The following USP6NL variants were observed in gnomAD, a reference collection of about 807,000 sequenced individuals.
USP6NL encodes the protein USP6 N-terminal-like protein.
USP6NL carries 26 observed loss-of-function variants against 61.9 expected under a neutral mutation model. That is an observed-to-expected ratio of 0.42 (90% CI 0.31 to 0.58). The LOEUF (loss-of-function observed/expected upper bound fraction) is 0.58, where lower values mean the gene tolerates loss of function less well. Among genes scored for constraint, USP6NL ranks in the 20% least tolerant of loss-of-function variants. The pLI is 0.16. For missense variants in USP6NL, 1,114 were observed against 1,034.3 expected, an observed-to-expected ratio of 1.08 and a Z score of -1.06; for synonymous variants, 432 against 390.1, an observed-to-expected ratio of 1.11 and a Z score of -1.27.
At chr10:11,581,844 C>T in intron 2 of USP6NL, among the ~76,000 whole-genome samples, 1 of 152,204 alleles carries the variant, frequency 6.6e-6, no homozygotes, top group Non-Finnish European at 1.5e-5. Flanking sequence ...TCGATCTCAG[C>T]TCATGCAACC....
Position 11,600,444 on chromosome 10 carries a change from A to C in USP6NL, c.-83-2727T>G, listed in dbSNP as rs1376266643. On this transcript the variant is annotated intron_variant, in intron 1 of 14. Transcript: ENST00000609104. This position sits in a 1 kb window ranked among gnomAD's most constrained non-coding sequence, Gnocchi z 4.1. ...CCAAACCCAGCCAAACTCAACAGAG[A>C]GCGCAGACCAGTGAGCTAGAAAGAA... 2.0e-5 allele frequency among the ~76,000 whole-genome samples: 3 copies of C among 152,200 alleles called. 1 individual carries two copies. Among genetic ancestry groups the C allele is most frequent in the East Asian group, 3.8e-4 (2 of 5,202 alleles).
intron 2 of USP6NL, among the ~76,000 whole-genome samples, chr10:11,566,983 G>A (rs533543416): frequency 2.0e-5 from 3 of 152,166 alleles, no homozygotes; most frequent in Admixed American, 6.5e-5. Flanking sequence ...GCACGGTGGC[G>A]CATGCCTGTA....
In USP6NL at chr10:11,470,194, C is replaced by G. The variant is rs1404834585; in HGVS notation, c.1079-6345G>C. Among the ~76,000 whole-genome samples the G allele has an allele frequency of 2.6e-5, 4 of 152,070 alleles. No individual in the cohort carries two copies. Among genetic ancestry groups the G allele is most frequent in the Admixed American group, 2.6e-4 (4 of 15,276 alleles). On this transcript the variant is annotated intron_variant, in intron 14 of 14. Transcript: ENST00000609104. This position sits in a 1 kb window ranked among gnomAD's most constrained non-coding sequence, Gnocchi z 5.4. ...ACGGAAGGCAAGTAATGGAGAGGAC[C>G]AGAGAAGCAGCCAGCAGCGCAGAGG...
intron 5 of USP6NL, among the ~76,000 whole-genome samples, chr10:11,516,743 G>A (rs965289820): frequency 2.6e-5 from 4 of 152,106 alleles, no homozygotes; most frequent in Admixed American, 1.3e-4. Context: ...ACTAAGGTAC[G>A]CATAGATCAT....
At position 11,553,746 on chromosome 10, in the gene USP6NL, A is replaced by G. The variant is rs746201674; in HGVS notation, c.5-26179T>C. On this transcript the variant is annotated intron_variant, in intron 2 of 14. Coordinates refer to ENST00000609104, the MANE Select transcript of USP6NL (RefSeq NM_014688.5). The surrounding 1 kb of genome is among the most constrained non-coding windows in gnomAD (Gnocchi z 4.8). Reference sequence around the variant, plus strand: ...CCCCGTCTCTACTAAAAATACAAAAATTAGCAAGGCATGGTGGTGGGCGCC... The same window carrying G: ...CCCCGTCTCTACTAAAAATACAAAAGTTAGCAAGGCATGGTGGTGGGCGCC... Among the ~76,000 whole-genome samples the G allele has an allele frequency of 1.3e-5, 2 of 152,072 alleles. No homozygotes were observed. The highest frequency in any genetic ancestry group is 2.9e-5 in the Non-Finnish European group (2 of 68,012).
intron 2 of USP6NL, among the ~76,000 whole-genome samples, chr10:11,576,240 A>C (rs1193513702): frequency 6.6e-6 from 1 of 152,228 alleles, no homozygotes; most frequent in African/African-American, 2.4e-5. Flanking sequence ...CAAAATAAAA[A>C]ATTAGATCCT....
In USP6NL at chr10:11,501,198, C is replaced by T; in HGVS notation, c.287G>A (p.Arg96Gln). ...KYKNTEKFHRRIYKGIPLQLR... is the reference protein window; with the variant it reads ...KYKNTEKFHRQIYKGIPLQLR... Reference sequence around the variant, plus strand: ...CTGGAGTGGTATTCCTTTGTAAATTCGCCTATGAAACTTATTAAAAGAAAA... The same window carrying T: ...CTGGAGTGGTATTCCTTTGTAAATTTGCCTATGAAACTTATTAAAAGAAAA... Residue 96 changes from arginine to glutamine, a missense_variant, in exon 7 of 15, where the codon CGA becomes CAA. Arg to Gln is a conservative substitution (Grantham distance 43, BLOSUM62 1). Transcript: ENST00000609104. 1.2e-6 allele frequency: 2 copies of T among 1,608,646 alleles called. No homozygotes were observed. Among genetic ancestry groups the T allele is most frequent in the East Asian group, 2.2e-5 (1 of 44,830 alleles).
chr10:11,487,039 T>C lies in USP6NL; in HGVS notation c.665-1128A>G, dbSNP rs1034181192. On this transcript the variant is annotated intron_variant, in intron 10 of 14. Coordinates refer to ENST00000609104, the MANE Select transcript of USP6NL (RefSeq NM_014688.5). The surrounding 1 kb of genome is among the most constrained non-coding windows in gnomAD (Gnocchi z 4.2). Reference sequence around the variant, plus strand: ...CCTTTAGTAATATTTTTCAGTGAAATTGTTTCATTAAAAAAAAAAAATCCG... The same window carrying C: ...CCTTTAGTAATATTTTTCAGTGAAACTGTTTCATTAAAAAAAAAAAATCCG... 5.9e-5 allele frequency among the ~76,000 whole-genome samples: 9 copies of C among 152,084 alleles called. No homozygotes were observed. The highest frequency in any genetic ancestry group is 3.3e-4 in the Admixed American group (5 of 15,274).
In USP6NL at chr10:11,596,917, T is replaced by A. The variant is rs567098896; in HGVS notation, c.4+714A>T. On this transcript the variant is annotated intron_variant, in intron 2 of 14. Coordinates refer to ENST00000609104, the MANE Select transcript of USP6NL (RefSeq NM_014688.5). The surrounding 1 kb of genome is among the most constrained non-coding windows in gnomAD (Gnocchi z 4.1). Reference sequence around the variant, plus strand: ...TGTGAAAAACATTTAAACTCTAATATCATCTTCCAATAAGAAAATGCTCAT... The same window carrying A: ...TGTGAAAAACATTTAAACTCTAATAACATCTTCCAATAAGAAAATGCTCAT... Among the ~76,000 whole-genome samples, 1 of 152,136 alleles carries A rather than the reference T, an allele frequency of 6.6e-6. No homozygotes were observed. Among genetic ancestry groups the A allele is most frequent in the Non-Finnish European group, 1.5e-5 (1 of 68,014 alleles).
At chr10:11,557,540 A>G (rs1171827683) in intron 2 of USP6NL, among the ~76,000 whole-genome samples, 2 of 152,246 alleles carry the variant, frequency 1.3e-5, no homozygotes, top group Non-Finnish European at 2.9e-5. Context: ...GATTATCTCT[A>G]GCGTTAAATC....
At chr10:11,559,323 T>C (rs1010473901) in intron 2 of USP6NL, among the ~76,000 whole-genome samples, 1 of 152,176 alleles carries the variant, frequency 6.6e-6, no homozygotes, top group Non-Finnish European at 1.5e-5. Flanking sequence ...ACAGAAAAAT[T>C]AGAATTTCAA....
At chr10:11,494,185 G>A (rs984865543) in intron 7 of USP6NL, among the ~76,000 whole-genome samples, 2 of 152,194 alleles carry the variant, frequency 1.3e-5, no homozygotes, top group Non-Finnish European at 2.9e-5. Flanking sequence ...CAGCTTCACC[G>A]TCTTCTGGCT....
At chr10:11,566,097 G>T (rs1047064702) in intron 2 of USP6NL, among the ~76,000 whole-genome samples, 1 of 152,176 alleles carries the variant, frequency 6.6e-6, no homozygotes, top group Admixed American at 6.5e-5. Context: ...GAGCTGGATG[G>T]CTATGAAAAT....
intron 6 of USP6NL, among the ~76,000 whole-genome samples, chr10:11,502,584 CTAA>C (rs1472398454): frequency 1.3e-5 from 2 of 152,130 alleles, no homozygotes; most frequent in African/African-American, 2.4e-5. Flanking sequence ...GATGCCAGTT[CTAA>C]TAATTGAAAT....
At position 11,463,529 on chromosome 10, in the gene USP6NL, C is replaced by T. The variant is rs1011814771; in HGVS notation, c.1399G>A (p.Ala467Thr). The T allele has an allele frequency of 1.9e-5, 30 of 1,613,874 alleles. No individual in the cohort carries two copies. The highest frequency in any genetic ancestry group is 2.4e-5 in the Non-Finnish European group (28 of 1,179,908). Residue 467 changes from alanine (A) to threonine (T), a missense_variant, in exon 15 of 15, where the codon GCA becomes ACA. Transcript: ENST00000609104. The surrounding 1 kb of genome is among the most constrained non-coding windows in gnomAD (Gnocchi z 6.3). The part of the protein sequence containing the change: ...PQDSSRQYNH[A>T]AANQNSNATS... ...GCGTTGCTATTTTGGTTGGCAGCTG[C>T]GTGATTATATTGCCTGGAACTGTCC...
rs1469661541 is a variant in USP6NL, at chr10:11,562,767, A to C, written c.4+34864T>G. The C allele has an allele frequency of 9.1e-6, 9 of 985,158 alleles. No individual in the cohort carries two copies. Among genetic ancestry groups the C allele is most frequent in the Non-Finnish European group, 1.1e-5 (9 of 829,788 alleles). 61.0% of individuals were successfully genotyped at this position (985,158 alleles called of 1,614,324 possible). ...TGGAATTCCACACAGTACAATCATAAGTGAATTGCCTAATTTCTCAGTATT... is the reference window on the plus strand; with the variant it reads ...TGGAATTCCACACAGTACAATCATACGTGAATTGCCTAATTTCTCAGTATT... On this transcript the variant is annotated intron_variant, in intron 2 of 14. Coordinates refer to ENST00000609104, the MANE Select transcript of USP6NL (RefSeq NM_014688.5). The surrounding 1 kb of genome is among the most constrained non-coding windows in gnomAD (Gnocchi z 4.8).
intron 2 of USP6NL, among the ~76,000 whole-genome samples, chr10:11,560,714 T>TTATA (rs56221814): frequency 0.12 from 16,219 of 141,028 alleles, 1,088 homozygotes; most frequent in East Asian, 0.35. Context: ...TATATATATA[T>TTATA]TATATATATA....
rs1836974308 is a variant in USP6NL at position 11,562,338 on chromosome 10, T to C, written c.5-34771A>G. Reference sequence around the variant, plus strand: ...AGCCATGTGACACAGTTCCGGCTGATGGCTTAAGGAAAAGCTTTTGCATTC... The same window carrying C: ...AGCCATGTGACACAGTTCCGGCTGACGGCTTAAGGAAAAGCTTTTGCATTC... On this transcript the variant is annotated intron_variant, in intron 2 of 14. Coordinates refer to ENST00000609104, the MANE Select transcript of USP6NL (RefSeq NM_014688.5). The surrounding 1 kb of genome is among the most constrained non-coding windows in gnomAD (Gnocchi z 4.8). The C allele has an allele frequency of 1.0e-6, 1 of 977,246 alleles. No individual in the cohort carries two copies. Among genetic ancestry groups the C allele is most frequent in the Non-Finnish European group, 1.2e-6 (1 of 822,448 alleles). The allele number at this position is 977,246 out of a possible 1,614,324, so 60.5% of individuals were successfully genotyped here. A position where few individuals can be genotyped will look rare whatever the true frequency, so the allele number is the denominator to read the frequency against.
rs547571349 is a variant in USP6NL at position 11,600,854 on chromosome 10, G to A, written c.-83-3137C>T. The stretch of plus-strand genomic sequence containing the variant: ...GTGGTGGCAGCCGCCTGTAATGCCA[G>A]CTACTGGAGAGGCTGAGGCAAGAGA... On this transcript the variant is annotated intron_variant, in intron 1 of 14. Transcript: ENST00000609104. The surrounding 1 kb of genome is among the most constrained non-coding windows in gnomAD (Gnocchi z 4.1). 6.6e-6 allele frequency among the ~76,000 whole-genome samples: 1 copy of A among 152,260 alleles called. No individual in the cohort carries two copies. The highest frequency in any genetic ancestry group is 2.4e-5 in the African/African-American group (1 of 41,546).
Sources: gnomAD v4.1 joint callset for allele counts (sites outside exome capture counted in the v4.1 genomes callset) on GRCh38, gnomAD v4.1.1 for gene constraint, Gnocchi (gnomAD v3.1) non-coding constraint, MANE v1.5 for transcripts, NCBI Gene and HGNC (gene_info 2026-07-23, HGNC 2026-07-21) for gene names.